CHD9: variants seen among roughly 807,000 people sequenced by gnomAD.
CHD9 encodes ATP-dependent chromatin remodeler CHD9.
In CHD9, 77 loss-of-function variants were observed where a neutral mutation model predicts 316.1. That is an observed-to-expected ratio of 0.24 (90% CI 0.20 to 0.29). The LOEUF (loss-of-function observed/expected upper bound fraction) is 0.29, where lower values mean the gene tolerates loss of function less well. CHD9 is among the 10% of genes least tolerant of loss of function. The pLI, the probability that CHD9 is intolerant of heterozygous loss-of-function variation, is 1.00. For synonymous variants in CHD9, 1,129 were observed against 1,158.3 expected, an observed-to-expected ratio of 0.97 and a Z score of 0.51; for missense variants, 2,763 against 3,438.1, an observed-to-expected ratio of 0.80 and a Z score of 4.91.
chr16:53,112,484 G>A (rs973959144), intron 1 of CHD9, among the ~76,000 whole-genome samples: 3 of 152,166 alleles, frequency 2.0e-5, no homozygotes, highest in East Asian at 1.9e-4. Context: ...TAAGTGTAAC[G>A]TGTTCAGTTT....
intron 2 of CHD9, among the ~76,000 whole-genome samples, chr16:53,192,811 T>C (rs1185758506): frequency 2.0e-5 from 3 of 152,238 alleles, no homozygotes; most frequent in African/African-American, 7.2e-5. Flanking sequence ...TAGCTTTTTC[T>C]TTCATGTTAC....
chr16:53,263,287 G>A (rs1043589634), intron 20 of CHD9, among the ~76,000 whole-genome samples, 190 bp downstream of exon 20: 1 of 152,036 alleles, frequency 6.6e-6, no homozygotes, highest in African/African-American at 2.4e-5. Flanking sequence ...TCCCATGATG[G>A]GTTATCCCTA....
chr16:53,292,352 C>T (rs1195965880), intron 28 of CHD9, among the ~76,000 whole-genome samples: 1 of 152,154 alleles, frequency 6.6e-6, no homozygotes, highest in Non-Finnish European at 1.5e-5. Context: ...GCATTAGATC[C>T]TATACTTACT....
intron 27 of CHD9, 49 bp downstream of exon 27, chr16:53,288,063 G>T: frequency 7.4e-7 from 1 of 1,342,304 alleles, no homozygotes; most frequent in Non-Finnish European, 1.1e-6. Context: ...GTATTCTTTG[G>T]TTTCTTGTGT....
chr16:53,255,117 C>T (rs2050478504), intron 18 of CHD9, among the ~76,000 whole-genome samples: 1 of 151,924 alleles, frequency 6.6e-6, no homozygotes. Flanking sequence ...TTGAGACAAG[C>T]CTGGGCAACA....
intron 1 of CHD9, among the ~76,000 whole-genome samples, chr16:53,117,720 A>G (rs2038426011): frequency 6.6e-6 from 1 of 151,792 alleles, no homozygotes; most frequent in Admixed American, 6.6e-5. Flanking sequence ...CCGGCCTGAC[A>G]TACTATTTTT....
chr16:53,170,238 A>T (rs911626113), intron 2 of CHD9, among the ~76,000 whole-genome samples: 39 of 152,090 alleles, frequency 2.6e-4, no homozygotes, highest in African/African-American at 3.9e-4. Flanking sequence ...TGGATTTTTT[A>T]AAAAATCAGT....
At chr16:53,323,288 T>C (rs2153120631) in intron 38 of CHD9, among the ~76,000 whole-genome samples, 1 of 152,364 alleles carries the variant, frequency 6.6e-6, no homozygotes, top group South Asian at 2.1e-4. Context: ...GTTTCTGTTT[T>C]ACCTATTTTA....
In CHD9 at chr16:53,114,946, A is replaced by T. The variant is rs192211590; in HGVS notation, c.-164-40980A>T. Among the ~76,000 whole-genome samples, 186 of 149,156 alleles carry T rather than the reference A, an allele frequency of 1.2e-3. 1 individual carries two copies. The highest frequency in any genetic ancestry group is 2.4e-3 in the Non-Finnish European group (157 of 66,530). On this transcript the variant is annotated intron_variant, in intron 1 of 38. Coordinates refer to ENST00000447540, the MANE Select transcript of CHD9 (RefSeq NM_001308319.2). ...ATTTGATTGATTGATTGATTGATTG[A>T]TTGCCTCTTACTTCTACAGCTAAAT...
At chr16:53,099,794 C>T (rs2036687900) in intron 1 of CHD9, among the ~76,000 whole-genome samples, 2 of 152,286 alleles carry the variant, frequency 1.3e-5, no homozygotes, top group East Asian at 3.9e-4. Context: ...CTAAGAGTCC[C>T]GGGAGAGAGC....
intron 27 of CHD9, among the ~76,000 whole-genome samples, chr16:53,288,731 C>G (rs769832877): frequency 5.9e-5 from 9 of 152,096 alleles, no homozygotes; most frequent in Non-Finnish European, 8.8e-5. Flanking sequence ...TGACAAACAG[C>G]ACGGAGAAAT....
chr16:53,171,861 G>GACACAC (rs750572537), intron 2 of CHD9, among the ~76,000 whole-genome samples: 6 of 124,942 alleles, frequency 4.8e-5, no homozygotes, highest in South Asian at 2.6e-4. Context: ...CACACACACA[G>GACACAC]ACACACACAC....
At position 53,156,462 on chromosome 16, in the gene CHD9, T is replaced by A; in HGVS notation, c.373T>A (p.Trp125Arg). The change falls in exon 2 of 39, where the codon TGG (tryptophan) becomes AGG (arginine). Residue 125 changes from tryptophan (W) to arginine (R), a missense_variant. Trp to Arg is a moderately radical substitution (Grantham distance 101). Transcript: ENST00000447540. ...FPDVSDGSPM[W>R]GHQTATTISN... Reference sequence around the variant, plus strand: ...AGATGTATCAGATGGCAGTCCAATGTGGGGCCATCAGACAGCTACTACCAT... The same window carrying A: ...AGATGTATCAGATGGCAGTCCAATGAGGGGCCATCAGACAGCTACTACCAT... The A allele has an allele frequency of 1.9e-6, 3 of 1,613,980 alleles. No individual in the cohort carries two copies. The highest frequency in any genetic ancestry group is 2.5e-6 in the Non-Finnish European group (3 of 1,179,894).
intron 27 of CHD9, among the ~76,000 whole-genome samples, chr16:53,290,529 C>CCT (rs1597845158): frequency 1.3e-5 from 2 of 151,592 alleles, no homozygotes; most frequent in East Asian, 3.9e-4. Context: ...GTGGCTCATG[C>CCT]CTGTAATCCA....
intron 1 of CHD9, among the ~76,000 whole-genome samples, chr16:53,056,997 C>G (rs1398032113): frequency 6.6e-6 from 1 of 151,896 alleles, no homozygotes; most frequent in Non-Finnish European, 1.5e-5. Flanking sequence ...AAATTATACA[C>G]ATTGAATAAT....
intron 22 of CHD9, among the ~76,000 whole-genome samples, chr16:53,270,531 T>C (rs1017693741): frequency 3.3e-5 from 5 of 152,156 alleles, no homozygotes; most frequent in Non-Finnish European, 5.9e-5. Flanking sequence ...AAATGATTGA[T>C]TTATTACATT....
At chr16:53,125,218 A>ATTTTTTTTTT (rs34096444) in intron 1 of CHD9, among the ~76,000 whole-genome samples, 2 of 95,782 alleles carry the variant, frequency 2.1e-5, no homozygotes, top group East Asian at 2.9e-4. Context: ...TCAAGTTAGG[A>ATTTTTTTTTT]TTTTTTTTTT....
chr16:53,161,266 G>A (rs1325023475), intron 2 of CHD9, among the ~76,000 whole-genome samples: 1 of 152,156 alleles, frequency 6.6e-6, no homozygotes, highest in Non-Finnish European at 1.5e-5. Flanking sequence ...TGAATTATAG[G>A]TCACACATCT....
rs570326018 is a variant in CHD9 at position 53,304,485 on chromosome 16, G to A, written c.6479G>A (p.Arg2160Gln). The A allele has an allele frequency of 2.2e-5, 34 of 1,556,604 alleles. No homozygotes were observed. The highest frequency in any genetic ancestry group is 9.6e-5 in the African/African-American group (7 of 73,226). The change falls in exon 31 of 39, where the codon CGA (arginine) becomes CAA (glutamine). Residue 2160 changes from arginine (R) to glutamine (Q), a missense_variant. Physicochemically the swap from Arg to Gln is conservative, Grantham distance 43. Coordinates refer to ENST00000447540, the MANE Select transcript of CHD9 (RefSeq NM_001308319.2). ...SSSSSSCSHS[R>Q]SGSSSSSSSS... ...TCATCCTCTTCTTGCTCCCACTCTC[G>A]ATCAGGCTCTAGTTCTTCTTCATCT...
Sources: allele counts gnomAD v4.1 joint callset (sites outside exome capture counted in the v4.1 genomes callset), GRCh38; gene constraint gnomAD v4.1.1; transcripts MANE v1.5; gene names NCBI Gene and HGNC (gene_info 2026-07-23, HGNC 2026-07-21).